The following NAA60 variants were observed in gnomAD, a reference collection of about 807,000 sequenced individuals.
NAA60 encodes N-alpha-acetyltransferase 60.
NAA60 carries 8 observed loss-of-function variants against 26.1 expected under a neutral mutation model. The ratio of observed to expected loss-of-function variants is 0.31; its 90% CI spans 0.18 to 0.55. The LOEUF (loss-of-function observed/expected upper bound fraction) is 0.55, where lower values mean the gene tolerates loss of function less well. Ranked by LOEUF, NAA60 falls within the 20% of genes least tolerant of loss-of-function variation. The probability of loss-of-function intolerance (pLI) is 0.93; values close to 1 mark genes in which losing one functional copy is unlikely to be tolerated. For synonymous variants in NAA60, 131 were observed against 122.5 expected (o/e 1.07, Z -0.46); for missense variants, 290 against 311.3 (o/e 0.93, Z 0.51).
chr16:3,468,161 G>A (rs910856811), intron 2 of NAA60: 2 of 152,204 alleles, frequency 1.3e-5, no homozygotes, highest in African/African-American at 2.4e-5. Context: ...AGAGGCTGAA[G>A]TGAAATTACA....
At chr16:3,478,779 T>TA (rs753875774) in intron 3 of NAA60, among the ~76,000 whole-genome samples, 6 of 152,216 alleles carry the variant, frequency 3.9e-5, no homozygotes, top group Non-Finnish European at 4.4e-5. Context: ...TCCACTCCCC[T>TA]AGTCTTCAGT....
intron 2 of NAA60, among the ~76,000 whole-genome samples, chr16:3,455,388 T>G (rs1018841572): frequency 1.3e-4 from 10 of 76,050 alleles, no homozygotes; most frequent in Non-Finnish European, 2.0e-4. Flanking sequence ...AGTTTTTAGT[T>G]TTTTTTTTTT....
In NAA60 at chr16:3,451,949, A is replaced by G. The variant is rs575677263; in HGVS notation, c.-7+3409A>G. On this transcript the variant is annotated intron_variant, in intron 2 of 7. Coordinates refer to ENST00000407558, the MANE Select transcript of NAA60 (RefSeq NM_001083601.3). ...AAAAATGAGCATGGTGGCTCACACC[A>G]GTAATCCCAGAATCCCAGCACTTTG... Among the ~76,000 whole-genome samples the G allele has an allele frequency of 7.3e-4, 110 of 151,608 alleles. 2 individuals are homozygous for G. Among genetic ancestry groups the G allele is most frequent in the Admixed American group, 5.5e-3 (84 of 15,234 alleles).
intron 1 of NAA60, 130 bp downstream of exon 1, chr16:3,443,967 C>T: frequency 7.2e-7 from 1 of 1,379,826 alleles, no homozygotes; most frequent in Non-Finnish European, 9.4e-7. Flanking sequence ...GATGGTGGGG[C>T]CGTGGAACAT....
Position 3,443,681 on chromosome 16 carries a change from C to T in NAA60, c.-233C>T, listed in dbSNP as rs1451738684. The T allele has an allele frequency of 2.2e-6, 3 of 1,388,168 alleles. No homozygotes were observed. The highest frequency in any genetic ancestry group is 2.7e-5 in the East Asian group (1 of 36,414). 86.0% of individuals were successfully genotyped at this position (1,388,168 alleles called of 1,614,324 possible). On this transcript the variant is annotated 5_prime_UTR_variant, in exon 1 of 8. Coordinates refer to ENST00000407558, the MANE Select transcript of NAA60 (RefSeq NM_001083601.3). Reference sequence around the variant, plus strand: ...CTCCTTTTCTCTAAGCAACCATTTCCGCTTCCGCTGGCGGGGTCTCCTCCG... The same window carrying T: ...CTCCTTTTCTCTAAGCAACCATTTCTGCTTCCGCTGGCGGGGTCTCCTCCG...
At chr16:3,480,092 C>G (rs1413226951) in intron 4 of NAA60, among the ~76,000 whole-genome samples, 1 of 152,156 alleles carries the variant, frequency 6.6e-6, no homozygotes, top group Non-Finnish European at 1.5e-5. Flanking sequence ...AGTCTCACTT[C>G]AGGCTAGCAA....
rs71133639 is a variant in NAA60 at position 3,463,551 on chromosome 16, TAAAAAAA to T, written c.-6-12655_-6-12649del. Among the ~76,000 whole-genome samples the T allele has an allele frequency of 1.4e-4, 16 of 113,900 alleles. 1 individual carries two copies. The highest frequency in any genetic ancestry group is 5.6e-4 in the African/African-American group (16 of 28,810). 74.7% of individuals were successfully genotyped at this position (113,900 alleles called of 152,430 possible). A position where few individuals can be genotyped will look rare whatever the true frequency, so the allele number is the denominator to read the frequency against. ...TGAGTGACAGAGTGAGACCCTGTGT[TAAAAAAA>T]AAAAAAAAAAAAAAATGCAAGCTGG... On this transcript the variant is annotated intron_variant, in intron 2 of 7. Transcript: ENST00000407558.
intron 2 of NAA60, among the ~76,000 whole-genome samples, chr16:3,473,318 A>C (rs2036269506): frequency 6.6e-6 from 1 of 152,186 alleles, no homozygotes; most frequent in Non-Finnish European, 1.5e-5. Flanking sequence ...ACGGTTGTAC[A>C]TGGCTGGGGA....
chr16:3,477,815 C>T (rs2036574728), intron 3 of NAA60, among the ~76,000 whole-genome samples: 1 of 152,162 alleles, frequency 6.6e-6, no homozygotes, highest in African/African-American at 2.4e-5. Flanking sequence ...CCTGTAATCC[C>T]AGCACTTTGG....
rs771069689 is a variant in NAA60 at position 3,476,216 on chromosome 16, C to G, written c.-6-6C>G. 2 of 1,605,052 alleles carry G rather than the reference C, an allele frequency of 1.2e-6. No homozygotes were observed. Among genetic ancestry groups the G allele is most frequent in the South Asian group, 1.1e-5 (1 of 89,854 alleles). The stretch of plus-strand genomic sequence containing the variant: ...GGTGACGCGTCCCCCCCACCCTTCC[C>G]CACAGGTGTGAATGACAGAGGTGGT... On this transcript the variant is annotated splice_polypyrimidine_tract_variant and splice_region_variant and intron_variant, in intron 2 of 7. Coordinates refer to ENST00000407558, the MANE Select transcript of NAA60 (RefSeq NM_001083601.3).
chr16:3,455,386 G>GTTTTTTTTTT (rs35501650), intron 2 of NAA60, among the ~76,000 whole-genome samples: 8 of 101,968 alleles, frequency 7.8e-5, no homozygotes, highest in East Asian at 5.9e-4. Flanking sequence ...AGAGTTTTTA[G>GTTTTTTTTTT]TTTTTTTTTT....
In NAA60 at chr16:3,484,937, T is replaced by TG; in HGVS notation, c.*82_*83insG. 1 of 1,540,204 alleles carries TG rather than the reference T, an allele frequency of 6.5e-7. No homozygotes were observed. The highest frequency in any genetic ancestry group is 8.7e-7 in the Non-Finnish European group (1 of 1,144,528). On this transcript the variant is annotated 3_prime_UTR_variant, in exon 7 of 8. Transcript: ENST00000407558. Reference sequence around the variant, plus strand: ...TTCCTGTCCATCTGACCCCTTCTGTTTTCTGCAAGGAGCTGCCAGCCATCT... The same window carrying TG: ...TTCCTGTCCATCTGACCCCTTCTGTTGTTCTGCAAGGAGCTGCCAGCCATCT...
chr16:3,472,451 C>CT (rs2036214072), intron 2 of NAA60: 2 of 152,238 alleles, frequency 1.3e-5, no homozygotes, highest in Admixed American at 1.3e-4. Flanking sequence ...GAATCTCACT[C>CT]TATCGCCCAC....
At position 3,479,484 on chromosome 16, in the gene NAA60, T is replaced by G; in HGVS notation, c.124T>G (p.Trp42Gly). The G allele has an allele frequency of 6.2e-7, 1 of 1,614,006 alleles. No homozygotes were observed. Among genetic ancestry groups the G allele is most frequent in the Non-Finnish European group, 8.5e-7 (1 of 1,179,864 alleles). The change falls in exon 4 of 8, where the codon TGG becomes GGG. Residue 42 changes from tryptophan to glycine, a missense_variant. Coordinates refer to ENST00000407558, the MANE Select transcript of NAA60 (RefSeq NM_001083601.3). ...TCTGTTTCTCAGGTACCCAGACTCA[T>G]GGTATCGTGATATCACATCCAACAA... ...DWFPIEYPDS[W>G]YRDITSNKKF...
chr16:3,479,591 A>T lies in NAA60; in HGVS notation c.231A>T (p.Ile77=), dbSNP rs1211980875. ...CTGAAATTAAGAACAGGACCAAAAT[A>T]CATAAAGAGGTACGTACGTGTGTGC... ...IVAEIKNRTK[I]HKEDGDILAS... Residue 77 remains isoleucine (I), a synonymous_variant, in exon 4 of 8, where the codon ATA becomes ATT. Transcript: ENST00000407558. 6.2e-7 allele frequency: 1 copy of T among 1,614,010 alleles called. No homozygotes were observed. Among genetic ancestry groups the T allele is most frequent in the Admixed American group, 1.7e-5 (1 of 60,024 alleles).
At chr16:3,481,605 G>A (rs2036842158) in intron 4 of NAA60, among the ~76,000 whole-genome samples, 1 of 152,170 alleles carries the variant, frequency 6.6e-6, no homozygotes, top group Admixed American at 6.5e-5. Flanking sequence ...TCAGTAGAGG[G>A]CCCTCTGGCC....
chr16:3,454,519 A>G (rs1376940287), intron 2 of NAA60, among the ~76,000 whole-genome samples: 1 of 152,192 alleles, frequency 6.6e-6, no homozygotes, highest in Non-Finnish European at 1.5e-5. Context: ...TTATGGAACC[A>G]AAAAGCTTAA....
intron 3 of NAA60, among the ~76,000 whole-genome samples, chr16:3,478,088 T>TAATAAA (rs543097524): frequency 1.1e-4 from 17 of 150,190 alleles, no homozygotes; most frequent in Admixed American, 1.0e-3. Context: ...ATAATAATAA[T>TAATAAA]AAATAGGCCT....
At chr16:3,478,753 C>T (rs1462035953) in intron 3 of NAA60, among the ~76,000 whole-genome samples, 1 of 152,156 alleles carries the variant, frequency 6.6e-6, no homozygotes, top group East Asian at 1.9e-4. Context: ...GTGAACCTGG[C>T]TCTTCCTGGA....
Sources: gnomAD v4.1 joint callset for allele counts (sites outside exome capture counted in the v4.1 genomes callset) on GRCh38, gnomAD v4.1.1 for gene constraint, MANE v1.5 for transcripts, NCBI Gene and HGNC (gene_info 2026-07-23, HGNC 2026-07-21) for gene names.